The following FAT4 variants were observed in gnomAD, a reference collection of about 807,000 sequenced individuals.
FAT4 encodes FAT atypical cadherin 4.
In FAT4, 84 loss-of-function variants were observed where a neutral mutation model predicts 303.9. The ratio of observed to expected loss-of-function variants is 0.28; its 90% CI spans 0.23 to 0.33. The LOEUF (loss-of-function observed/expected upper bound fraction) is 0.33. Among genes scored for constraint, FAT4 ranks in the 10% least tolerant of loss-of-function variants. The pLI is 1.00. For synonymous variants in FAT4, 2,307 were observed against 2,298.8 expected (o/e 1.00, Z -0.10); for missense variants, 6,005 against 6,146.8 (o/e 0.98, Z 0.77).
chr4:125,428,492 GTC>G (rs910597170), intron 7 of FAT4, among the ~76,000 whole-genome samples: 19 of 150,774 alleles, frequency 1.3e-4, no homozygotes, highest in African/African-American at 2.2e-4. Context: ...CCTGTGCACA[GTC>G]TCTCTCTCTC....
intron 2 of FAT4, among the ~76,000 whole-genome samples, chr4:125,328,770 C>G (rs889848764): frequency 6.6e-6 from 1 of 152,108 alleles, no homozygotes; most frequent in African/African-American, 2.4e-5. Context: ...AATACTGAGG[C>G]TCATGGAGGT....
intron 2 of FAT4, among the ~76,000 whole-genome samples, chr4:125,372,506 C>T (rs931994380): frequency 2.6e-5 from 4 of 151,858 alleles, no homozygotes; most frequent in African/African-American, 9.7e-5. Context: ...ATCTTTAGAA[C>T]TACCTGAGGT....
chr4:125,379,285 A>C (rs2125997268), intron 2 of FAT4, among the ~76,000 whole-genome samples: 1 of 151,796 alleles, frequency 6.6e-6, no homozygotes, highest in South Asian at 2.1e-4. Flanking sequence ...CACTGAACTG[A>C]GAAGATTATT....
chr4:125,319,482 A>G lies in FAT4; in HGVS notation c.3071A>G (p.Asp1024Gly). 1 of 1,613,232 alleles carries G rather than the reference A, an allele frequency of 6.2e-7. No individual in the cohort carries two copies. The highest frequency in any genetic ancestry group is 8.5e-7 in the Non-Finnish European group (1 of 1,179,158). The change falls in exon 2 of 18, where the codon GAT (aspartate) becomes GGT (glycine). Residue 1024 changes from aspartate to glycine, a missense_variant. By Grantham distance (94) the Asp-to-Gly change is moderately conservative. Coordinates refer to ENST00000394329, the MANE Select transcript of FAT4 (RefSeq NM_001291303.3). ...TTTAAAGTACAAGCTTCTGATAAGG[A>G]TTCAGGAGCAAATGGTGAAATTGCA... ...RFFKVQASDK[D>G]SGANGEIAYT...
rs1734931645 is a variant in FAT4 at position 125,413,662 on chromosome 4, CAAGTT to C, written c.5921-1219_5921-1215del. 4.0e-5 allele frequency among the ~76,000 whole-genome samples: 6 copies of C among 151,724 alleles called. No individual in the cohort carries two copies. In the South Asian group the frequency reaches 1.2e-3, roughly 32 times the overall value. On this transcript the variant is annotated intron_variant, in intron 5 of 17. Transcript: ENST00000394329. ...ACATGGTAGAAAAAAATCTCATACT[CAAGTT>C]AAATTTGACTTCTTAAAGAACTTGA...
intron 2 of FAT4, among the ~76,000 whole-genome samples, chr4:125,323,414 ATTAC>A (rs1384600977): frequency 6.6e-6 from 1 of 152,188 alleles, no homozygotes; most frequent in Admixed American, 6.5e-5. Flanking sequence ...TGATTTGTTT[ATTAC>A]TTTTTATAAG....
rs1266409695 is a variant in FAT4, at chr4:125,320,951, A to T, written c.4540A>T (p.Asn1514Tyr). Residue 1514 changes from asparagine to tyrosine, a missense_variant, in exon 2 of 18, where the codon AAC becomes TAC. Coordinates refer to ENST00000394329, the MANE Select transcript of FAT4 (RefSeq NM_001291303.3). ...PIETRRYALK[N>Y]VTILVTDLND... ...AGAAACTAGACGGTATGCTTTGAAGAACGTGACCATTTTGGTTACAGACCT... is the reference window on the plus strand; with the variant it reads ...AGAAACTAGACGGTATGCTTTGAAGTACGTGACCATTTTGGTTACAGACCT... The T allele has an allele frequency of 6.2e-7, 1 of 1,614,238 alleles. No homozygotes were observed. The highest frequency in any genetic ancestry group is 8.5e-7 in the Non-Finnish European group (1 of 1,180,022).
intron 10 of FAT4, among the ~76,000 whole-genome samples, chr4:125,455,176 C>A (rs538788613): frequency 6.6e-6 from 1 of 152,102 alleles, no homozygotes; most frequent in Admixed American, 6.5e-5. Context: ...TTTATTCACA[C>A]TTAGGTTTAG....
rs2126058886 is a variant in FAT4, at chr4:125,450,006, A to C, written c.8996A>C (p.Lys2999Thr). 6.2e-7 allele frequency: 1 copy of C among 1,613,948 alleles called. No homozygotes were observed. ...KYFTPVTKNVKVGTKLIRVTA... is the reference protein window; with the variant it reads ...KYFTPVTKNVTVGTKLIRVTA... ...TTCACTCCAGTCACCAAAAATGTTAAGGTTGGTACGAAGTTAATCAGAGTT... is the reference window on the plus strand; with the variant it reads ...TTCACTCCAGTCACCAAAAATGTTACGGTTGGTACGAAGTTAATCAGAGTT... The change falls in exon 10 of 18, where the codon AAG (lysine) becomes ACG (threonine). Residue 2999 changes from lysine (K) to threonine (T), a missense_variant. Coordinates refer to ENST00000394329, the MANE Select transcript of FAT4 (RefSeq NM_001291303.3).
chr4:125,356,270 T>G (rs984047716), intron 2 of FAT4, among the ~76,000 whole-genome samples: 3 of 152,022 alleles, frequency 2.0e-5, no homozygotes, highest in African/African-American at 7.2e-5. Flanking sequence ...TAAAGTTGGA[T>G]GTATGATAAA....
chr4:125,425,521 T>C (rs1322963127), intron 7 of FAT4, among the ~76,000 whole-genome samples: 3 of 152,124 alleles, frequency 2.0e-5, no homozygotes, highest in African/African-American at 7.2e-5. Context: ...AAATAGCTGG[T>C]AAAGTCATAA....
intron 12 of FAT4, among the ~76,000 whole-genome samples, chr4:125,472,233 A>G (rs1726890297): frequency 1.3e-5 from 2 of 152,152 alleles, no homozygotes; most frequent in Admixed American, 1.3e-4. Context: ...TGGTATGTAA[A>G]TGATTATAAT....
rs752419214 is a variant in FAT4 at position 125,450,496 on chromosome 4, C to T, written c.9486C>T (p.His3162=). ...KALDYELCQK[H]EMTISAIDGG... ...TTGATTATGAGCTATGCCAGAAACA[C>T]GAAATGACGATTAGTGCTATAGATG... Residue 3162 remains histidine, a synonymous_variant, in exon 10 of 18, where the codon CAC becomes CAT. Transcript: ENST00000394329. The T allele has an allele frequency of 1.5e-5, 24 of 1,613,926 alleles. No homozygotes were observed. The highest frequency in any genetic ancestry group is 2.0e-5 in the Non-Finnish European group (24 of 1,180,012).
rs769926658 is a variant in FAT4 at position 125,451,871 on chromosome 4, A to G, written c.10861A>G (p.Ile3621Val). Residue 3621 changes from isoleucine to valine, a missense_variant, in exon 10 of 18, where the codon ATA becomes GTA. Physicochemically the swap from Ile to Val is conservative, Grantham distance 29. Coordinates refer to ENST00000394329, the MANE Select transcript of FAT4 (RefSeq NM_001291303.3). ...TCCTTCACAGTCTCGGACGGTGGAG[A>G]TATTTGTTAATTATTATGGTAACTT... ...DNPSQSRTVE[I>V]FVNYYGNLFP... is the part of the protein sequence containing the mutation. The G allele has an allele frequency of 1.2e-6, 2 of 1,614,014 alleles. No individual in the cohort carries two copies. Among genetic ancestry groups the G allele is most frequent in the Non-Finnish European group, 1.7e-6 (2 of 1,179,998 alleles).
intron 2 of FAT4, among the ~76,000 whole-genome samples, chr4:125,370,183 G>A (rs1444819496): frequency 6.6e-6 from 1 of 151,516 alleles, no homozygotes; most frequent in East Asian, 1.9e-4. Flanking sequence ...ACTTCTTTCT[G>A]ACTTTTTGTA....
intron 15 of FAT4, among the ~76,000 whole-genome samples, chr4:125,481,037 G>A (rs1338609700): frequency 1.3e-5 from 2 of 151,876 alleles, no homozygotes; most frequent in African/African-American, 2.4e-5. Context: ...AATTATATGT[G>A]ATGATTACTG....
Position 125,450,758 on chromosome 4 carries a change from G to A in FAT4, c.9748G>A (p.Gly3250Arg). The A allele has an allele frequency of 6.2e-7, 1 of 1,614,080 alleles. No individual in the cohort carries two copies. The change falls in exon 10 of 18, where the codon GGA becomes AGA. Residue 3250 changes from glycine (G) to arginine (R), a missense_variant. Coordinates refer to ENST00000394329, the MANE Select transcript of FAT4 (RefSeq NM_001291303.3). Reference protein sequence around the residue: ...SDLFVIDPNTGVITTQGFLDF... With the variant: ...SDLFVIDPNTRVITTQGFLDF... ...CCTCTTTGTCATTGACCCTAACACA[G>A]GAGTCATAACCACTCAAGGCTTCTT...
chr4:125,323,700 C>T (rs1413297499), intron 2 of FAT4, among the ~76,000 whole-genome samples: 1 of 152,162 alleles, frequency 6.6e-6, no homozygotes, highest in Non-Finnish European at 1.5e-5. Flanking sequence ...CAAGTGTATA[C>T]AATAAAGTGC....
Position 125,318,641 on chromosome 4 carries a change from G to A in FAT4, c.2230G>A (p.Val744Ile). 1 of 1,614,090 alleles carries A rather than the reference G, an allele frequency of 6.2e-7. No homozygotes were observed. The highest frequency in any genetic ancestry group is 1.7e-5 in the Admixed American group (1 of 60,014). Residue 744 changes from valine to isoleucine, a missense_variant, in exon 2 of 18, where the codon GTT becomes ATT. Physicochemically the swap from Val to Ile is conservative, Grantham distance 29. Transcript: ENST00000394329. ...GTTTCAGGTCAATGCTCAGAGTGGG[G>A]TTATTTCTACAAGAATGGCCCTAGA... Reference protein sequence around the residue: ...SRFQVNAQSGVISTRMALDRE... With the variant: ...SRFQVNAQSGIISTRMALDRE...
Sources: allele counts gnomAD v4.1 joint callset (sites outside exome capture counted in the v4.1 genomes callset), GRCh38; gene constraint gnomAD v4.1.1; transcripts MANE v1.5; gene names NCBI Gene and HGNC (gene_info 2026-07-23, HGNC 2026-07-21).